NR1H2: variants seen among roughly 807,000 people sequenced by gnomAD.
NR1H2 encodes oxysterols receptor LXR-beta.
NR1H2 carries 33 observed loss-of-function variants against 51.2 expected under a neutral mutation model. The ratio of observed to expected loss-of-function variants is 0.64; its 90% CI spans 0.49 to 0.86. The LOEUF is 0.86. Among genes scored for constraint, NR1H2 ranks in the 40% least tolerant of loss-of-function variants. The pLI is 0.00. For synonymous variants in NR1H2, 310 were observed against 264.3 expected (o/e 1.17, Z -1.68); for missense variants, 592 against 639.9 (o/e 0.93, Z 0.81).
rs1375456386 is a variant in NR1H2, at chr19:50,383,063, T to C, written c.*461T>C. ...GGGCGCGGGCTTCTAGGGACCTCAGTGACACTGGGTGCCCGAACCTGATTG... is the reference window on the plus strand; with the variant it reads ...GGGCGCGGGCTTCTAGGGACCTCAGCGACACTGGGTGCCCGAACCTGATTG... On this transcript the variant is annotated 3_prime_UTR_variant, in exon 10 of 10. Coordinates refer to ENST00000253727, the MANE Select transcript of NR1H2 (RefSeq NM_007121.7). 1.3e-5 allele frequency: 2 copies of C among 153,044 alleles called. No individual in the cohort carries two copies. The highest frequency in any genetic ancestry group is 1.3e-4 in the Admixed American group (2 of 15,364). The allele number at this position is 153,044 out of a possible 1,614,324, so 9.5% of individuals were successfully genotyped here.
At position 50,382,557 on chromosome 19, in the gene NR1H2, G is replaced by C; in HGVS notation, c.1338G>C (p.Lys446Asn). 1 of 1,606,114 alleles carries C rather than the reference G, an allele frequency of 6.2e-7. No homozygotes were observed. The highest frequency in any genetic ancestry group is 8.5e-7 in the Non-Finnish European group (1 of 1,176,146). ...TCTTCGCCTTGCGGCTCCAGGACAA[G>C]AAGCTGCCGCCTCTGCTGTCGGAGA... is the stretch of plus-strand genomic sequence containing the variant. ...EQVFALRLQD[K>N]KLPPLLSEIW... The change falls in exon 10 of 10, where the codon AAG becomes AAC. Residue 446 changes from lysine (K) to asparagine (N), a missense_variant. Coordinates refer to ENST00000253727, the MANE Select transcript of NR1H2 (RefSeq NM_007121.7).
rs1177063136 is a variant in NR1H2, at chr19:50,382,177, A to G, written c.1236+3A>G. 5.9e-6 allele frequency: 9 copies of G among 1,524,610 alleles called. No individual in the cohort carries two copies. The highest frequency in any genetic ancestry group is 7.0e-6 in the Non-Finnish European group (8 of 1,139,932). The allele number at this position is 1,524,610 out of a possible 1,614,324, so 94.4% of individuals were successfully genotyped here. On this transcript the variant is annotated splice_donor_region_variant and intron_variant, in intron 9 of 9. Transcript: ENST00000253727. ...ACACGCGCATCAAGAGGCCGCAGGT[A>G]GGGCCCCGCAGAGCCTCTGCGCAGA...
rs1326402229 is a variant in NR1H2, at chr19:50,379,196, G to A, written c.927+15G>A. The A allele has an allele frequency of 1.2e-6, 2 of 1,601,992 alleles. No individual in the cohort carries two copies. The highest frequency in any genetic ancestry group is 1.7e-5 in the Admixed American group (1 of 58,724). On this transcript the variant is annotated intron_variant, in intron 7 of 9. Transcript: ENST00000253727. ...CCACTATCGAGGTAATGGTCCATCTGCCCACAAGGAACCCCAGAGATAGCT... is the reference window on the plus strand; with the variant it reads ...CCACTATCGAGGTAATGGTCCATCTACCCACAAGGAACCCCAGAGATAGCT...
chr19:50,377,357 A>G (rs1175576704), intron 2 of NR1H2: 2 of 467,406 alleles, frequency 4.3e-6, no homozygotes, highest in Admixed American at 8.3e-5. Context: ...GGCGGGGCCT[A>G]CAGCAGGGGC....
chr19:50,378,452 G>A lies in NR1H2; in HGVS notation c.472+13G>A. On this transcript the variant is annotated intron_variant, in intron 5 of 9. Transcript: ENST00000253727. Reference sequence around the variant, plus strand: ...ATGAGGGAGCAGTGTGAGTGCAGCGGGAGGGGGCGGTGCCGGCCTGGCCCC... The same window carrying A: ...ATGAGGGAGCAGTGTGAGTGCAGCGAGAGGGGGCGGTGCCGGCCTGGCCCC... 6.3e-7 allele frequency: 1 copy of A among 1,583,892 alleles called. No homozygotes were observed. Among genetic ancestry groups the A allele is most frequent in the South Asian group, 1.2e-5 (1 of 86,234 alleles).
At chr19:50,380,882 C>G (rs2037754788) in intron 8 of NR1H2, among the ~76,000 whole-genome samples, 1 of 152,224 alleles carries the variant, frequency 6.6e-6, no homozygotes, top group South Asian at 2.1e-4. Context: ...TGCCTCCACC[C>G]CTGCCTGATG....
In NR1H2 at chr19:50,378,505, C is replaced by T. The variant is rs375666218; in HGVS notation, c.473-17C>T. 51 of 1,594,532 alleles carry T rather than the reference C, an allele frequency of 3.2e-5. No homozygotes were observed. Among genetic ancestry groups the T allele is most frequent in the Non-Finnish European group, 3.9e-5 (46 of 1,168,212 alleles). On this transcript the variant is annotated splice_polypyrimidine_tract_variant and intron_variant, in intron 5 of 9. Coordinates refer to ENST00000253727, the MANE Select transcript of NR1H2 (RefSeq NM_007121.7). The stretch of plus-strand genomic sequence containing the variant: ...GCCTAGCCCTGGGGTTCTGCTGAGG[C>T]CTGCATCCCCCTACAGGCGTCCTTT...
Position 50,378,607 on chromosome 19 carries a change from G to T in NR1H2, c.558G>T (p.Gly186=). 1 of 1,614,060 alleles carries T rather than the reference G, an allele frequency of 6.2e-7. No individual in the cohort carries two copies. The highest frequency in any genetic ancestry group is 8.5e-7 in the Non-Finnish European group (1 of 1,179,970). ...ESQSQSQSPV[G]PQGSSSSASG... Reference sequence around the variant, plus strand: ...AGTCACAGTCGCAGTCACCTGTGGGGCCGCAGGGCAGCAGCAGCTCAGCCT... The same window carrying T: ...AGTCACAGTCGCAGTCACCTGTGGGTCCGCAGGGCAGCAGCAGCTCAGCCT... The change falls in exon 6 of 10, where the codon GGG becomes GGT. Residue 186 remains glycine, a synonymous_variant. Coordinates refer to ENST00000253727, the MANE Select transcript of NR1H2 (RefSeq NM_007121.7).
At position 50,378,741 on chromosome 19, in the gene NR1H2, T is replaced by C. The variant is rs1277275732; in HGVS notation, c.692T>C (p.Val231Ala). 1 of 1,613,712 alleles carries C rather than the reference T, an allele frequency of 6.2e-7. No homozygotes were observed. Among genetic ancestry groups the C allele is most frequent in the Non-Finnish European group, 8.5e-7 (1 of 1,180,016 alleles). ...CAAGAACTAATGATCCAGCAGTTGG[T>C]GGCGGCCCAACTGCAGTGCAACAAA... The part of the protein sequence containing the change: ...AAQELMIQQL[V>A]AAQLQCNKRS... The change falls in exon 6 of 10, where the codon GTG (valine) becomes GCG (alanine). Residue 231 changes from valine to alanine, a missense_variant. Val to Ala is a moderately conservative substitution (Grantham distance 64, BLOSUM62 0). Transcript: ENST00000253727.
chr19:50,379,433 G>A (rs1422397353), intron 7 of NR1H2, among the ~76,000 whole-genome samples: 2 of 152,080 alleles, frequency 1.3e-5, no homozygotes, highest in East Asian at 1.9e-4. Flanking sequence ...TCAAAGTAGG[G>A]ATAACATATA....
At position 50,381,959 on chromosome 19, in the gene NR1H2, C is replaced by T. The variant is rs2037773279; in HGVS notation, c.1028-7C>T. 1.9e-6 allele frequency: 3 copies of T among 1,549,256 alleles called. No homozygotes were observed. Among genetic ancestry groups the T allele is most frequent in the Admixed American group, 2.0e-5 (1 of 50,976 alleles). On this transcript the variant is annotated splice_polypyrimidine_tract_variant and splice_region_variant and intron_variant, in intron 8 of 9. Transcript: ENST00000253727. ...GAGGGAGTCACGGGCTGCCTCCCGC[C>T]CCGCAGGCCTGCAGGTGGAGTTCAT...
rs1012607516 is a variant in NR1H2, at chr19:50,382,160, A to G, written c.1222A>G (p.Ile408Val). The change falls in exon 9 of 10, where the codon ATC (isoleucine) becomes GTC (valine). Residue 408 changes from isoleucine to valine, a missense_variant. Ile to Val is a conservative substitution (Grantham distance 29). Coordinates refer to ENST00000253727, the MANE Select transcript of NR1H2 (RefSeq NM_007121.7). ...GGAGGCGCTGCTGTCCTACACGCGC[A>G]TCAAGAGGCCGCAGGTAGGGCCCCG... Reference protein sequence around the residue: ...YVEALLSYTRIKRPQDQLRFP... With the variant: ...YVEALLSYTRVKRPQDQLRFP... 7 of 1,533,158 alleles carry G rather than the reference A, an allele frequency of 4.6e-6. No homozygotes were observed. Among genetic ancestry groups the G allele is most frequent in the Admixed American group, 4.0e-5 (2 of 50,062 alleles). 95.0% of individuals were successfully genotyped at this position (1,533,158 alleles called of 1,614,324 possible).
Position 50,377,775 on chromosome 19 carries a change from C to T in NR1H2, c.86C>T (p.Thr29Ile), listed in dbSNP as rs749998922. The part of the protein sequence containing the change: ...PQPGAPSSSP[T>I]VKEEGPEPWP... ...CCTGGCGCCCCTTCTTCTTCACCCA[C>T]TGTAAAGGAGGAGGGTCCGGAGCCG... The change falls in exon 4 of 10, where the codon ACT becomes ATT. Residue 29 changes from threonine (T) to isoleucine (I), a missense_variant. Physicochemically the swap from Thr to Ile is moderately conservative, Grantham distance 89 (BLOSUM62 -1). Around this residue, in one of 3 missense-constraint regions of NR1H2, gnomAD observed 316 missense variants for 313.4 expected, o/e 1.01. Transcript: ENST00000253727. The T allele has an allele frequency of 6.2e-7, 1 of 1,610,876 alleles. No homozygotes were observed. The highest frequency in any genetic ancestry group is 1.1e-5 in the South Asian group (1 of 90,814).
Position 50,377,884 on chromosome 19 carries a change from C to T in NR1H2, c.181+14C>T, listed in dbSNP as rs754243127. On this transcript the variant is annotated intron_variant, in intron 4 of 9. Coordinates refer to ENST00000253727, the MANE Select transcript of NR1H2 (RefSeq NM_007121.7). ...GCACAGACTGGGGTGAGACAGGGCC[C>T]TGGAGTTGATGTGGGGGCTTGGGGA... 4 of 1,532,952 alleles carry T rather than the reference C, an allele frequency of 2.6e-6. No homozygotes were observed. Among genetic ancestry groups the T allele is most frequent in the Non-Finnish European group, 2.6e-6 (3 of 1,144,648 alleles). 95.0% of individuals were successfully genotyped at this position (1,532,952 alleles called of 1,614,324 possible).
intron 2 of NR1H2, 143 bp downstream of exon 2, chr19:50,376,969 G>T (rs1368449680): frequency 1.4e-5 from 2 of 143,226 alleles, no homozygotes; most frequent in Admixed American, 6.9e-5. Context: ...GAGATGTGGC[G>T]GGGCCTGGAG....
chr19:50,382,492 G>A lies in NR1H2; in HGVS notation c.1273G>A (p.Val425Met). 6.2e-7 allele frequency: 1 copy of A among 1,610,442 alleles called. No homozygotes were observed. The change falls in exon 10 of 10, where the codon GTG (valine) becomes ATG (methionine). Residue 425 changes from valine (V) to methionine (M), a missense_variant. Transcript: ENST00000253727. ...LRFPRMLMKL[V>M]SLRTLSSVHS... ...CTTCCCGCGCATGCTCATGAAGCTG[G>A]TGAGCCTGCGCACGCTGAGCTCTGT...
rs1176105628 is a variant in NR1H2 at position 50,378,516 on chromosome 19, C to T, written c.473-6C>T. On this transcript the variant is annotated splice_polypyrimidine_tract_variant and splice_region_variant and intron_variant, in intron 5 of 9. Transcript: ENST00000253727. The stretch of plus-strand genomic sequence containing the variant: ...GGGTTCTGCTGAGGCCTGCATCCCC[C>T]TACAGGCGTCCTTTCTGAAGAACAG... 6.2e-7 allele frequency: 1 copy of T among 1,603,126 alleles called. No homozygotes were observed. The highest frequency in any genetic ancestry group is 2.2e-5 in the East Asian group (1 of 44,736).
rs1229997720 is a variant in NR1H2, at chr19:50,382,577, C to T, written c.1358C>T (p.Ser453Leu). ...LQDKKLPPLL[S>L]EIWDVHE ...GACAAGAAGCTGCCGCCTCTGCTGT[C>T]GGAGATCTGGGACGTCCACGAGTGA... is the stretch of plus-strand genomic sequence containing the variant. Residue 453 changes from serine (S) to leucine (L), a missense_variant, in exon 10 of 10, where the codon TCG (serine) becomes TTG (leucine). By Grantham distance (145) the Ser-to-Leu change is moderately radical (BLOSUM62 -2). Transcript: ENST00000253727. 4.4e-6 allele frequency: 7 copies of T among 1,599,556 alleles called. No homozygotes were observed. Among genetic ancestry groups the T allele is most frequent in the Non-Finnish European group, 6.0e-6 (7 of 1,173,554 alleles).
Position 50,379,771 on chromosome 19 carries a change from C to T in NR1H2, c.928-9C>T, listed in dbSNP as rs776779327. 8.7e-6 allele frequency: 14 copies of T among 1,600,062 alleles called. No individual in the cohort carries two copies. The highest frequency in any genetic ancestry group is 6.7e-5 in the East Asian group (3 of 44,830). ...GGGCTCAAGCTCCCCCTCCCGCTGC[C>T]GCCCTTAGATCATGCTGCTAGAGAC... On this transcript the variant is annotated splice_polypyrimidine_tract_variant and intron_variant, in intron 7 of 9. Transcript: ENST00000253727.
Sources: gnomAD v4.1 joint callset for allele counts (sites outside exome capture counted in the v4.1 genomes callset) on GRCh38, gnomAD v4.1.1 for gene constraint, gnomAD v4.1.1 regional missense constraint, MANE v1.5 for transcripts, NCBI Gene and HGNC (gene_info 2026-07-23, HGNC 2026-07-21) for gene names.